The following NRP2 variants were observed in gnomAD, a reference collection of about 807,000 sequenced individuals.
NRP2 encodes neuropilin 2.
In NRP2, 52 loss-of-function variants were observed where a neutral mutation model predicts 110.4. The ratio of observed to expected loss-of-function variants is 0.47; its 90% confidence interval spans 0.38 to 0.59. The LOEUF (loss-of-function observed/expected upper bound fraction) is 0.59. Ranked by LOEUF, NRP2 falls within the 20% of genes least tolerant of loss-of-function variation. NRP2 has a pLI of 0.00. For missense variants in NRP2, 1,049 were observed against 1,203.0 expected (o/e 0.87, Z 1.89); for synonymous variants, 508 against 468.9 (o/e 1.08, Z -1.08).
intron 10 of NRP2, among the ~76,000 whole-genome samples, chr2:205,747,473 T>C (rs140554055): frequency 1.9e-3 from 282 of 152,352 alleles, no homozygotes; most frequent in African/African-American, 6.5e-3. Flanking sequence ...AAACCTGTTA[T>C]GATAAATAAC....
rs966268380 is a variant in NRP2 at position 205,745,626 on chromosome 2, C to T, written c.1642-120C>T. ...GAATGTCCCAGTGACCAGGAATCAA[C>T]TAGGAAGCTGCCTTCCTAGCAGGAC... On this transcript the variant is annotated intron_variant, in intron 9 of 16. Transcript: ENST00000357785. 7 of 1,116,644 alleles carry T rather than the reference C, an allele frequency of 6.3e-6. No individual in the cohort carries two copies. In the Admixed American group the frequency reaches 1.1e-4, roughly 18 times the overall value. The allele number at this position is 1,116,644 out of a possible 1,614,324, so 69.2% of individuals were successfully genotyped here. A position where few individuals can be genotyped will look rare whatever the true frequency, so the allele number is the denominator to read the frequency against.
At chr2:205,697,467 G>T in intron 1 of NRP2, 77 bp from the exon 2 acceptor site, 1 of 1,311,558 alleles carries the variant, frequency 7.6e-7, no homozygotes, top group South Asian at 1.2e-5. Context: ...CACTGGTACA[G>T]AAGAGAAGGA....
At position 205,686,659 on chromosome 2, in the gene NRP2, T is replaced by G. The variant is rs183930242; in HGVS notation, c.73+3296T>G. On this transcript the variant is annotated intron_variant, in intron 1 of 16. Transcript: ENST00000357785. This position sits in a 1 kb window ranked among gnomAD's most constrained non-coding sequence, Gnocchi z 4.7. ...ACTTGTCGCCCCTCTGGGAATCATCTGGGTTGGGGAACCTTCGGGAATCAG... is the reference window on the plus strand; with the variant it reads ...ACTTGTCGCCCCTCTGGGAATCATCGGGGTTGGGGAACCTTCGGGAATCAG... Among the ~76,000 whole-genome samples the G allele has an allele frequency of 1.6e-4, 25 of 152,314 alleles. No homozygotes were observed. The highest frequency in any genetic ancestry group is 3.2e-4 in the Non-Finnish European group (22 of 68,034).
rs1480058608 is a variant in NRP2 at position 205,740,635 on chromosome 2, G to A, written c.1263G>A (p.Arg421=). 6.2e-7 allele frequency: 1 copy of A among 1,614,218 alleles called. No homozygotes were observed. Among genetic ancestry groups the A allele is most frequent in the Non-Finnish European group, 8.5e-7 (1 of 1,180,048 alleles). Residue 421 remains arginine, a synonymous_variant, in exon 8 of 17, where the codon CGG becomes CGA. Transcript: ENST00000357785. The part of the protein sequence containing the change: ...PQTWHSGIAL[R]LELFGCRVTD... ...CCTGGCACTCAGGTATCGCCCTCCG[G>A]CTGGAGCTCTTCGGCTGCCGGGTCA... is the stretch of plus-strand genomic sequence containing the variant.
In NRP2 at chr2:205,752,879, T is replaced by A. The variant is rs1483434699; in HGVS notation, c.1948T>A (p.Phe650Ile). 3 of 1,614,122 alleles carry A rather than the reference T, an allele frequency of 1.9e-6. No individual in the cohort carries two copies. Among genetic ancestry groups the A allele is most frequent in the East Asian group, 4.5e-5 (2 of 44,896 alleles). ...TTCGGGATTCAATTGCAACTTCGAT[T>A]TCCTCGAGGAGCCCTGTGGTTGGAT... ...LPSGFNCNFD[F>I]LEEPCGWMYD... The change falls in exon 12 of 17, where the codon TTC (phenylalanine) becomes ATC (isoleucine). Residue 650 changes from phenylalanine (F) to isoleucine (I), a missense_variant. By Grantham distance (21) the Phe-to-Ile change is conservative (BLOSUM62 0). Transcript: ENST00000357785.
chr2:205,712,298 G>A (rs750763185), intron 2 of NRP2, among the ~76,000 whole-genome samples: 15 of 152,114 alleles, frequency 9.9e-5, no homozygotes, highest in East Asian at 1.9e-4. Flanking sequence ...GGAATTTTTC[G>A]TTTAGGAGAG....
intron 3 of NRP2, 138 bp from the exon 4 acceptor site, chr2:205,722,340 G>T: frequency 1.4e-6 from 1 of 722,924 alleles, no homozygotes; most frequent in Non-Finnish European, 2.5e-6. Flanking sequence ...AGAGTATGTT[G>T]CTTCAAGGGC....
intron 7 of NRP2, among the ~76,000 whole-genome samples, chr2:205,732,415 A>T (rs1056622982): frequency 6.6e-6 from 1 of 152,192 alleles, no homozygotes; most frequent in Non-Finnish European, 1.5e-5. Context: ...CAAACCCTCA[A>T]ATCAGTTGGC....
intron 12 of NRP2, among the ~76,000 whole-genome samples, chr2:205,755,674 TG>T (rs919596876): frequency 2.0e-5 from 3 of 150,800 alleles, no homozygotes; most frequent in Non-Finnish European, 4.4e-5. Flanking sequence ...CTGGCTTGGT[TG>T]GGGGCAGAGC....
chr2:205,685,573 C>T (rs2056131854), intron 1 of NRP2, among the ~76,000 whole-genome samples: 2 of 152,212 alleles, frequency 1.3e-5, no homozygotes, highest in Non-Finnish European at 1.5e-5. Context: ...CGGCGCGCGG[C>T]ACCTTGGGCT....
At chr2:205,765,666 G>A (rs780946897) in intron 14 of NRP2, 96 bp downstream of exon 14, 51 of 1,039,684 alleles carry the variant, frequency 4.9e-5, no homozygotes, top group Non-Finnish European at 5.7e-5. Context: ...CAATGCAGTC[G>A]TTACCCAGTG....
intron 7 of NRP2, among the ~76,000 whole-genome samples, chr2:205,734,170 TTA>T (rs61142559): frequency 0.3 from 44,771 of 149,072 alleles, 7,009 homozygotes; most frequent in Middle Eastern, 0.37. Context: ...CTCTCTGTGT[TTA>T]TATATATATA....
At chr2:205,690,041 T>G (rs564827395) in intron 1 of NRP2, among the ~76,000 whole-genome samples, 1 of 152,348 alleles carries the variant, frequency 6.6e-6, no homozygotes, top group Admixed American at 6.5e-5. Context: ...GCCGGCCAGC[T>G]GAGTGCACGT....
chr2:205,722,417 T>C, intron 3 of NRP2, 61 bp from the exon 4 acceptor site: 1 of 1,354,098 alleles, frequency 7.4e-7, no homozygotes, highest in African/African-American at 1.4e-5. Flanking sequence ...ATAACCCATG[T>C]GACAGAGGCC....
intron 15 of NRP2, among the ~76,000 whole-genome samples, chr2:205,792,005 G>C (rs921148962): frequency 6.6e-6 from 1 of 152,214 alleles, no homozygotes; most frequent in Non-Finnish European, 1.5e-5. Context: ...TGGCACTGAA[G>C]ACCCAGAGTT....
chr2:205,720,159 G>A (rs2056980989), intron 3 of NRP2, among the ~76,000 whole-genome samples: 1 of 151,758 alleles, frequency 6.6e-6, no homozygotes, highest in Admixed American at 6.6e-5. Context: ...TTATTTTTCT[G>A]CATAAAAATA....
At chr2:205,751,445 T>C (rs1224284562) in intron 11 of NRP2, among the ~76,000 whole-genome samples, 1 of 152,110 alleles carries the variant, frequency 6.6e-6, no homozygotes, top group South Asian at 2.1e-4. Flanking sequence ...AAGAGAAAAA[T>C]AGAAATTCAG....
intron 7 of NRP2, among the ~76,000 whole-genome samples, chr2:205,734,581 T>G (rs1022493200): frequency 1.6e-4 from 24 of 152,118 alleles, no homozygotes; most frequent in Admixed American, 2.0e-4. Flanking sequence ...AGATCTGCAG[T>G]CAGGGTGAGC....
rs2058342622 is a variant in NRP2 at position 205,795,322 on chromosome 2, A to T, written c.*264A>T. 10 of 405,828 alleles carry T rather than the reference A, an allele frequency of 2.5e-5. 1 individual carries two copies. Among genetic ancestry groups the T allele is most frequent in the South Asian group, 1.1e-4 (4 of 37,762 alleles). The allele number at this position is 405,828 out of a possible 1,614,324, so 25.1% of individuals were successfully genotyped here. A position where few individuals can be genotyped will look rare whatever the true frequency, so the allele number is the denominator to read the frequency against. ...CTCTGCTGGGACAAAACAGGAGCTC[A>T]TCTCTTTGGGGTCACAGTTCTATTT... On this transcript the variant is annotated 3_prime_UTR_variant, in exon 17 of 17. Transcript: ENST00000357785.
Sources: allele counts gnomAD v4.1 joint callset (sites outside exome capture counted in the v4.1 genomes callset), GRCh38; gene constraint gnomAD v4.1.1; non-coding constraint Gnocchi (gnomAD v3.1); transcripts MANE v1.5; gene names NCBI Gene and HGNC (gene_info 2026-07-23, HGNC 2026-07-21).